The following NMNAT3 variants were observed in gnomAD, a reference collection of about 807,000 sequenced individuals.
The protein encoded by NMNAT3 is nicotinamide/nicotinic acid mononucleotide adenylyltransferase 3.
In NMNAT3, 21 loss-of-function variants were observed where a neutral mutation model predicts 24.8. That is an observed-to-expected ratio of 0.85 (90% CI 0.60 to 1.22). The LOEUF (loss-of-function observed/expected upper bound fraction) is 1.22. Ranked by LOEUF, NMNAT3 falls within the 50% of genes most tolerant of loss-of-function variation. The probability of loss-of-function intolerance (pLI) is 0.00; values close to 1 mark genes in which losing one functional copy is unlikely to be tolerated. For missense variants in NMNAT3, 387 were observed against 436.6 expected (o/e 0.89, Z 1.01); for synonymous variants, 136 against 155.2 (o/e 0.88, Z 0.92).
chr3:139,566,930 T>C (rs1285117627), intron 6 of NMNAT3: 1 of 152,234 alleles, frequency 6.6e-6, no homozygotes, highest in Non-Finnish European at 1.5e-5. Flanking sequence ...GGAGATGGCA[T>C]TGAATCTATA....
At position 139,635,645 on chromosome 3, in the gene NMNAT3, T is replaced by C. The variant is rs1199080771; in HGVS notation, c.-41+2318A>G. On this transcript the variant is annotated intron_variant, in intron 2 of 6. Transcript: ENST00000643695. ...AGCTACTGTGCTAGTGCCTCGGAGA[T>C]AGAGGAGTAAATAAAATCTGTTCCT... is the stretch of plus-strand genomic sequence containing the variant. 25 of 152,206 alleles carry C rather than the reference T, an allele frequency of 1.6e-4. 1 individual carries two copies. Among genetic ancestry groups the C allele is most frequent in the Admixed American group, 1.6e-3 (25 of 15,280 alleles). The allele number at this position is 152,206 out of a possible 1,614,324, so 9.4% of individuals were successfully genotyped here. A position where few individuals can be genotyped will look rare whatever the true frequency, so the allele number is the denominator to read the frequency against.
chr3:139,665,151 T>C (rs1312749457), intron 1 of NMNAT3, among the ~76,000 whole-genome samples: 1 of 152,138 alleles, frequency 6.6e-6, no homozygotes, highest in Admixed American at 6.6e-5. Flanking sequence ...GAAACTAGGC[T>C]TCAGGCTGGA....
intron 1 of NMNAT3, among the ~76,000 whole-genome samples, chr3:139,649,625 C>T (rs1010030881): frequency 3.9e-5 from 6 of 152,146 alleles, no homozygotes; most frequent in African/African-American, 1.4e-4. Context: ...AGTGAGCAGT[C>T]AGTTCCTGCA....
intron 6 of NMNAT3, among the ~76,000 whole-genome samples, chr3:139,571,775 C>A (rs966976523): frequency 1.3e-5 from 2 of 151,780 alleles, no homozygotes; most frequent in Non-Finnish European, 2.9e-5. Flanking sequence ...AATAGGGGAA[C>A]CAAGAATTAA....
intron 2 of NMNAT3, among the ~76,000 whole-genome samples, chr3:139,631,811 C>A (rs7653715): frequency 6.6e-6 from 1 of 152,124 alleles, no homozygotes; most frequent in African/African-American, 2.4e-5. Flanking sequence ...TTACCTCCCC[C>A]CTACTGCCCT....
chr3:139,655,129 C>G (rs1208539874), intron 1 of NMNAT3, among the ~76,000 whole-genome samples: 1 of 152,160 alleles, frequency 6.6e-6, no homozygotes, highest in African/African-American at 2.4e-5. Context: ...TTTGCAAAGG[C>G]CTTGGAATGT....
At chr3:139,661,486 C>A (rs1435712438) in intron 1 of NMNAT3, among the ~76,000 whole-genome samples, 2 of 152,168 alleles carry the variant, frequency 1.3e-5, no homozygotes. Flanking sequence ...CTGCATAACA[C>A]AGCAAGACCT....
intron 3 of NMNAT3, among the ~76,000 whole-genome samples, chr3:139,595,366 C>T (rs913335125): frequency 2.7e-4 from 41 of 152,232 alleles, no homozygotes; most frequent in African/African-American, 9.6e-4. Context: ...GAATCAATAT[C>T]GCGAAAATGG....
At chr3:139,610,027 G>A (rs937209349) in intron 3 of NMNAT3, 2 of 152,132 alleles carry the variant, frequency 1.3e-5, no homozygotes, top group Non-Finnish European at 1.5e-5. Context: ...ATTTGGTTGG[G>A]GGAAAAGAGA....
At chr3:139,619,542 G>C (rs2055665158) in intron 3 of NMNAT3, among the ~76,000 whole-genome samples, 1 of 152,164 alleles carries the variant, frequency 6.6e-6, no homozygotes, top group South Asian at 2.1e-4. Context: ...AGCTTCTCCT[G>C]AGGCTAAAGG....
intron 3 of NMNAT3, among the ~76,000 whole-genome samples, chr3:139,613,583 C>T (rs1427683105): frequency 6.6e-6 from 1 of 152,102 alleles, no homozygotes; most frequent in Non-Finnish European, 1.5e-5. Context: ...GTGGTGATTC[C>T]TCAGGGATCT....
At chr3:139,628,976 A>T (rs927281350) in intron 2 of NMNAT3, among the ~76,000 whole-genome samples, 2 of 152,110 alleles carry the variant, frequency 1.3e-5, no homozygotes, top group Non-Finnish European at 2.9e-5. Flanking sequence ...AGGAGAAAGG[A>T]GATGGTGGTG....
chr3:139,575,051 A>G lies in NMNAT3; in HGVS notation c.576-1371T>C, dbSNP rs1034579260. On this transcript the variant is annotated intron_variant, in intron 5 of 6. Transcript: ENST00000643695. ...CCAGCCCATATACAGAAAGAGCCCA[A>G]TAAGTGTTAGCTGTTATTATCATTA... is the stretch of plus-strand genomic sequence containing the variant. 3.4e-4 allele frequency among the ~76,000 whole-genome samples: 52 copies of G among 152,192 alleles called. 1 individual carries two copies. The highest frequency in any genetic ancestry group is 1.3e-4 in the Non-Finnish European group (9 of 68,028).
chr3:139,606,502 C>G (rs1375285022), intron 3 of NMNAT3, among the ~76,000 whole-genome samples: 1 of 152,144 alleles, frequency 6.6e-6, no homozygotes, highest in East Asian at 1.9e-4. Context: ...CTAGATTTCT[C>G]CACATAAGTT....
intron 3 of NMNAT3, among the ~76,000 whole-genome samples, chr3:139,591,772 G>A (rs978291469): frequency 2.0e-5 from 3 of 152,222 alleles, no homozygotes; most frequent in African/African-American, 7.2e-5. Context: ...TCTGTTAGAA[G>A]GAAAACTAAC....
intron 3 of NMNAT3, among the ~76,000 whole-genome samples, chr3:139,615,460 T>TATCTATCTATCTATCTATCC (rs748766151): frequency 6.8e-5 from 10 of 146,534 alleles, no homozygotes; most frequent in East Asian, 2.0e-4. Flanking sequence ...TCTATCTATC[T>TATCTATCTATCTATCTATCC]ATCCATCCAC....
rs1014737561 is a variant in NMNAT3, at chr3:139,583,122, TTTGCAGA to T, written c.189_195del (p.His63GlnfsTer33). On this transcript the variant is annotated frameshift_variant, in exon 4 of 7. Transcript: ENST00000643695. LOFTEE classifies it high-confidence loss of function. ...CTGCTAACATTATTTTGAATCCTTT[TTTGCAGA>T]TGAAAAGAAATATCTTTTATTGAGA... The T allele has an allele frequency of 2.0e-5, 30 of 1,508,304 alleles. No homozygotes were observed. The highest frequency in any genetic ancestry group is 2.3e-5 in the Non-Finnish European group (25 of 1,089,060). 93.4% of individuals were successfully genotyped at this position (1,508,304 alleles called of 1,614,324 possible). A position where few individuals can be genotyped will look rare whatever the true frequency, so the allele number is the denominator to read the frequency against.
At chr3:139,615,614 C>T (rs2055461118) in intron 3 of NMNAT3, among the ~76,000 whole-genome samples, 1 of 152,118 alleles carries the variant, frequency 6.6e-6, no homozygotes, top group African/African-American at 2.4e-5. Flanking sequence ...TCTCTCTGTC[C>T]ACATTTGTAG....
intron 5 of NMNAT3, chr3:139,576,089 C>T (rs1055811389): frequency 7.8e-7 from 1 of 1,278,918 alleles, no homozygotes; most frequent in South Asian, 1.3e-5. Flanking sequence ...AGTGAATTTA[C>T]ATCATAGAGA....
Sources: allele counts gnomAD v4.1 joint callset (sites outside exome capture counted in the v4.1 genomes callset), GRCh38; gene constraint gnomAD v4.1.1; transcripts MANE v1.5; gene names NCBI Gene and HGNC (gene_info 2026-07-23, HGNC 2026-07-21).